CPT1C: variants seen among roughly 807,000 people sequenced by gnomAD.
CPT1C encodes palmitoyl thioesterase CPT1C.
Under a neutral mutation model 97.3 loss-of-function variants are expected in CPT1C, and 61 were observed. The ratio of observed to expected loss-of-function variants is 0.63; its 90% CI spans 0.51 to 0.78. The LOEUF (loss-of-function observed/expected upper bound fraction) is 0.78. Among genes scored for constraint, CPT1C ranks in the 30% least tolerant of loss-of-function variants. CPT1C has a pLI of 0.00. For synonymous variants in CPT1C, 469 were observed against 447.2 expected (o/e 1.05, Z -0.61); for missense variants, 975 against 1,065.5 (o/e 0.92, Z 1.18).
chr19:49,704,812 A>C (rs1291523479), intron 8 of CPT1C, 25 bp downstream of exon 8: 15 of 1,607,908 alleles, frequency 9.3e-6, no homozygotes, highest in Non-Finnish European at 1.3e-5. Flanking sequence ...GGTGAGGTTC[A>C]TAGGCCCCAG....
intron 5 of CPT1C, 101 bp from the exon 6 acceptor site, chr19:49,701,216 T>C (rs1465252924): frequency 2.1e-5 from 20 of 947,388 alleles, no homozygotes; most frequent in Admixed American, 9.4e-5. Context: ...CTTAAGTCTC[T>C]GTGTCCTTCT....
At chr19:49,695,135 C>T (rs1035532997) in intron 3 of CPT1C, among the ~76,000 whole-genome samples, 9 of 151,286 alleles carry the variant, frequency 5.9e-5, no homozygotes, top group Admixed American at 6.6e-5. Flanking sequence ...AGCGAGACTC[C>T]GTCTCAAAAA....
intron 5 of CPT1C, 143 bp downstream of exon 5, chr19:49,700,998 C>G: frequency 1.2e-6 from 1 of 852,614 alleles, no homozygotes; most frequent in Non-Finnish European, 1.8e-6. Context: ...GGTCTCTGTC[C>G]TCCTCTGTCC....
At chr19:49,703,563 T>TCCCCCCTCCCTCCCTCCCTC (rs1568525312) in intron 7 of CPT1C, among the ~76,000 whole-genome samples, 1 of 61,626 alleles carries the variant, frequency 1.6e-5, no homozygotes, top group Non-Finnish European at 2.8e-5. Flanking sequence ...TGTCTCTCTC[T>TCCCCCCTCCCTCCCTCCCTC]CCTCCCTCCC....
chr19:49,690,690 A>G (rs45492293), upstream of CPT1C: 42,326 of 526,790 alleles, frequency 0.08, 2,374 homozygotes, highest in African/African-American at 0.2. The surrounding 1 kb of genome is among the most constrained non-coding windows in gnomAD (Gnocchi z 4.4). Flanking sequence ...TCTACCTTGA[A>G]TCCAACCCGC....
upstream of CPT1C, chr19:49,690,816 T>C: frequency 3.7e-6 from 1 of 268,810 alleles, no homozygotes; most frequent in Non-Finnish European, 7.0e-6. This position sits in a 1 kb window ranked among gnomAD's most constrained non-coding sequence, Gnocchi z 4.4. Context: ...TGAGATTTGC[T>C]CCGGCACCCT....
intron 7 of CPT1C, 25 bp downstream of exon 7, chr19:49,701,659 G>A: frequency 1.9e-6 from 3 of 1,579,148 alleles, no homozygotes; most frequent in Non-Finnish European, 2.6e-6. Flanking sequence ...CGCCACCAAC[G>A]CCCCACCTGA....
intron 3 of CPT1C, among the ~76,000 whole-genome samples, chr19:49,694,646 A>AAAG (rs1347838423): frequency 6.8e-6 from 1 of 147,224 alleles, no homozygotes. Flanking sequence ...AAAAAAAAAA[A>AAAG]GGGGGTGGGA....
intron 7 of CPT1C, among the ~76,000 whole-genome samples, chr19:49,702,487 G>T (rs751301134): frequency 6.6e-6 from 1 of 151,682 alleles, no homozygotes; most frequent in Non-Finnish European, 1.5e-5. Flanking sequence ...GTCTGGTGGC[G>T]CACACGCCTA....
intron 8 of CPT1C, 30 bp downstream of exon 8, chr19:49,704,817 C>A: frequency 6.3e-7 from 1 of 1,598,124 alleles, no homozygotes; most frequent in Non-Finnish European, 8.6e-7. Context: ...GGTTCATAGG[C>A]CCCAGGTCTA....
chr19:49,698,437 C>T lies in CPT1C; in HGVS notation c.281+972C>T, dbSNP rs1159280649. ...CAGCACTTTGGGAGGCCGAGGTGGC[C>T]AGATCACCTGAGGTCAGGAGTTTGA... is the stretch of plus-strand genomic sequence containing the variant. On this transcript the variant is annotated intron_variant, in intron 4 of 19. Transcript: ENST00000598293. 3.3e-5 allele frequency among the ~76,000 whole-genome samples: 5 copies of T among 149,492 alleles called. No individual in the cohort carries two copies. In the East Asian group the frequency reaches 8.1e-4, roughly 24 times the overall value.
intron 8 of CPT1C, 102 bp from the exon 9 acceptor site, chr19:49,704,905 A>T: frequency 7.1e-7 from 1 of 1,401,070 alleles, no homozygotes; most frequent in Non-Finnish European, 1.0e-6. Context: ...GGGATTCATC[A>T]TTCCACCCTC....
chr19:49,695,053 ATG>A (rs2082585627), intron 3 of CPT1C, among the ~76,000 whole-genome samples: 1 of 151,758 alleles, frequency 6.6e-6, no homozygotes, highest in African/African-American at 2.4e-5. Flanking sequence ...AGGCAGGAGA[ATG>A]GCGTGAACCC....
rs1255807444 is a variant in CPT1C, at chr19:49,713,461, G to A, written c.2268G>A (p.Leu756=). 6.2e-7 allele frequency: 1 copy of A among 1,614,066 alleles called. No homozygotes were observed. Among genetic ancestry groups the A allele is most frequent in the African/African-American group, 1.3e-5 (1 of 74,944 alleles). ...RLGQHIEDAL[L]DVASLFQAGQ... The stretch of plus-strand genomic sequence containing the variant: ...GGCAGCACATTGAGGACGCACTGCT[G>A]GATGTGGCCTCCCTGTTCCAGGCGG... The change falls in exon 20 of 20, where the codon CTG becomes CTA. Residue 756 remains leucine, a synonymous_variant. Coordinates refer to ENST00000598293, the MANE Select transcript of CPT1C (RefSeq NM_001199753.2).
Position 49,710,334 on chromosome 19 carries a change from C to G in CPT1C, c.1581C>G (p.Ile527Met). Residue 527 changes from isoleucine (I) to methionine (M), a missense_variant, in exon 15 of 20, where the codon ATC becomes ATG. By Grantham distance (10) the Ile-to-Met change is conservative. This residue lies in a region of CPT1C where 344 missense variants were observed against 395.7 expected (regional missense o/e 0.87). Coordinates refer to ENST00000598293, the MANE Select transcript of CPT1C (RefSeq NM_001199753.2). The stretch of plus-strand genomic sequence containing the variant: ...TCCTCTGGCAGATCCACTCCTCCAT[C>G]TCTCTAGCCCTGAGGGGAGCCAAGA... Reference protein sequence around the residue: ...WDLPDQIHSSISLALRGAKIL... With the variant: ...WDLPDQIHSSMSLALRGAKIL... The G allele has an allele frequency of 6.2e-7, 1 of 1,614,084 alleles. No individual in the cohort carries two copies. The highest frequency in any genetic ancestry group is 1.1e-5 in the South Asian group (1 of 91,088).
At chr19:49,692,491 G>T in intron 3 of CPT1C, 98 bp downstream of exon 3, 1 of 1,445,924 alleles carries the variant, frequency 6.9e-7, no homozygotes. Context: ...GTTCATTTCT[G>T]GGAGACTATC....
chr19:49,699,491 AT>A (rs1238377400), intron 4 of CPT1C, among the ~76,000 whole-genome samples: 44 of 137,646 alleles, frequency 3.2e-4, no homozygotes, highest in Non-Finnish European at 6.4e-4. Context: ...AAAAAAAAAA[AT>A]TCCTGGAACG....
At chr19:49,694,979 A>G (rs762592804) in intron 3 of CPT1C, among the ~76,000 whole-genome samples, 35 of 151,934 alleles carry the variant, frequency 2.3e-4, no homozygotes, top group Non-Finnish European at 2.9e-5. Flanking sequence ...TCTCTACTAA[A>G]CATACAAAAA....
At position 49,701,435 on chromosome 19, in the gene CPT1C, G is replaced by A; in HGVS notation, c.555+17G>A. The A allele has an allele frequency of 1.3e-6, 2 of 1,595,870 alleles. No homozygotes were observed. The highest frequency in any genetic ancestry group is 1.7e-4 in the Middle Eastern group (1 of 5,956). The stretch of plus-strand genomic sequence containing the variant: ...GTGCGCAAGGTGGGCCTGGGAGCGC[G>A]CAGACGGGCTGGGGCGGCCGGGGCG... On this transcript the variant is annotated intron_variant, in intron 6 of 19. Coordinates refer to ENST00000598293, the MANE Select transcript of CPT1C (RefSeq NM_001199753.2).
Sources: gnomAD v4.1 joint callset for allele counts (sites outside exome capture counted in the v4.1 genomes callset) on GRCh38, gnomAD v4.1.1 for gene constraint, gnomAD v4.1.1 regional missense constraint, Gnocchi (gnomAD v3.1) non-coding constraint, MANE v1.5 for transcripts, NCBI Gene and HGNC (gene_info 2026-07-23, HGNC 2026-07-21) for gene names.